DSCAM: variants seen among roughly 807,000 people sequenced by gnomAD.
DSCAM encodes the protein cell adhesion molecule DSCAM.
A neutral mutation model predicts 217.7 loss-of-function variants in DSCAM; 47 were observed. The observed-to-expected ratio is 0.22, with a 90% CI of 0.17 to 0.28. The LOEUF is 0.28. Among genes scored for constraint, DSCAM ranks in the 10% least tolerant of loss-of-function variants. The probability of loss-of-function intolerance (pLI) is 1.00; values close to 1 mark genes in which losing one functional copy is unlikely to be tolerated. For missense variants in DSCAM, 2,080 were observed against 2,618.3 expected (o/e 0.79, Z 4.49); for synonymous variants, 1,056 against 1,015.3 (o/e 1.04, Z -0.76).
chr21:40,699,822 A>T (rs1472271064), intron 2 of DSCAM, among the ~76,000 whole-genome samples: 1 of 152,248 alleles, frequency 6.6e-6, no homozygotes, highest in Non-Finnish European at 1.5e-5. Context: ...ATACAAATGC[A>T]TGGTGAAGCA....
At chr21:40,097,798 G>A (rs563989299) in intron 20 of DSCAM, among the ~76,000 whole-genome samples, 12 of 151,770 alleles carry the variant, frequency 7.9e-5, no homozygotes, top group Non-Finnish European at 1.5e-4. Flanking sequence ...AAAATTAGCC[G>A]GGCGTAGTGG....
chr21:40,604,614 CT>C (rs2089207784), intron 3 of DSCAM, among the ~76,000 whole-genome samples: 2 of 152,160 alleles, frequency 1.3e-5, no homozygotes, highest in African/African-American at 2.4e-5. Context: ...GTGACACAGC[CT>C]TTAGTTTCTT....
chr21:40,797,288 G>A (rs2091700015), intron 1 of DSCAM, among the ~76,000 whole-genome samples: 1 of 152,116 alleles, frequency 6.6e-6, no homozygotes, highest in African/African-American at 2.4e-5. Flanking sequence ...CATAATTAAG[G>A]GAGGAATATA....
At chr21:40,445,559 C>A (rs533793056) in intron 3 of DSCAM, among the ~76,000 whole-genome samples, 2 of 152,144 alleles carry the variant, frequency 1.3e-5, no homozygotes, top group Non-Finnish European at 2.9e-5. Flanking sequence ...ATATGCCTCC[C>A]TTGCCCATCA....
At chr21:40,025,932 C>A (rs1009949398) in intron 32 of DSCAM, among the ~76,000 whole-genome samples, 1 of 149,216 alleles carries the variant, frequency 6.7e-6, no homozygotes, top group Non-Finnish European at 1.5e-5. Context: ...TGTGTTTGCT[C>A]TTGCTTTTCT....
intron 3 of DSCAM, among the ~76,000 whole-genome samples, chr21:40,487,752 C>T (rs577913176): frequency 4.7e-4 from 72 of 152,224 alleles, no homozygotes; most frequent in African/African-American, 1.6e-3. Flanking sequence ...TAGAGAGAAC[C>T]TATGAAGCTG....
At chr21:40,788,112 A>G (rs2091609646) in intron 1 of DSCAM, among the ~76,000 whole-genome samples, 1 of 152,252 alleles carries the variant, frequency 6.6e-6, no homozygotes, top group Non-Finnish European at 1.5e-5. Context: ...TCTTCCAAGA[A>G]TTACTTCATT....
chr21:40,515,712 G>A (rs2076294002), intron 3 of DSCAM, among the ~76,000 whole-genome samples: 1 of 151,930 alleles, frequency 6.6e-6, no homozygotes, highest in Non-Finnish European at 1.5e-5. Flanking sequence ...TTTATTCCCG[G>A]GTGCACAAGC....
intron 1 of DSCAM, among the ~76,000 whole-genome samples, chr21:40,725,485 G>A (rs1412668606): frequency 1.3e-5 from 2 of 152,206 alleles, no homozygotes; most frequent in African/African-American, 4.8e-5. Flanking sequence ...ACCTGATCCA[G>A]TTCTGTATTT....
At chr21:40,353,918 T>C (rs777815450) in intron 4 of DSCAM, among the ~76,000 whole-genome samples, 175 bp from the exon 5 acceptor site, 23 of 152,230 alleles carry the variant, frequency 1.5e-4, no homozygotes, top group Admixed American at 4.6e-4. Flanking sequence ...CAATTTATTT[T>C]CTGCTCAGAA....
chr21:40,709,961 G>T (rs886528088), intron 1 of DSCAM, among the ~76,000 whole-genome samples: 1 of 152,206 alleles, frequency 6.6e-6, no homozygotes, highest in Non-Finnish European at 1.5e-5. Flanking sequence ...CACCAACAGT[G>T]TTAAAGCGTT....
intron 3 of DSCAM, among the ~76,000 whole-genome samples, chr21:40,442,607 C>T (rs2075641313): frequency 6.8e-6 from 1 of 148,044 alleles, no homozygotes. Context: ...GCAACCTCTG[C>T]CTCCCAGGTT....
rs2090324829 is a variant in DSCAM at position 40,144,069 on chromosome 21, G to C, written c.3259+422C>G. Among the ~76,000 whole-genome samples, 2 of 151,892 alleles carry C rather than the reference G, an allele frequency of 1.3e-5. No homozygotes were observed. Among genetic ancestry groups the C allele is most frequent in the African/African-American group, 4.8e-5 (2 of 41,406 alleles). ...TGCAATCTGAAAATTCCTTTTCTCT[G>C]TACTCAGAATGCTTGAAAATAGGAA... On this transcript the variant is annotated intron_variant, in intron 17 of 32. Coordinates refer to ENST00000400454, the MANE Select transcript of DSCAM (RefSeq NM_001389.5). This position sits in a 1 kb window ranked among gnomAD's most constrained non-coding sequence, Gnocchi z 4.8.
chr21:40,531,045 G>A (rs928266432), intron 3 of DSCAM, among the ~76,000 whole-genome samples: 1 of 152,094 alleles, frequency 6.6e-6, no homozygotes, highest in Non-Finnish European at 1.5e-5. Flanking sequence ...GGTCAGCCTC[G>A]TTCCCACGAC....
intron 20 of DSCAM, among the ~76,000 whole-genome samples, chr21:40,111,198 C>T (rs1225272733): frequency 6.6e-6 from 1 of 152,228 alleles, no homozygotes; most frequent in Non-Finnish European, 1.5e-5. Flanking sequence ...GAAAGCCTAT[C>T]AGACTAAGAG....
chr21:40,122,421 CAATG>C (rs1444983782), intron 20 of DSCAM, among the ~76,000 whole-genome samples: 1 of 152,156 alleles, frequency 6.6e-6, no homozygotes, highest in East Asian at 1.9e-4. Flanking sequence ...GCAAAGAGAT[CAATG>C]AATGAATGAG....
intron 2 of DSCAM, 65 bp from the exon 3 acceptor site, chr21:40,693,021 A>T: frequency 6.6e-7 from 1 of 1,523,316 alleles, no homozygotes; most frequent in Non-Finnish European, 9.0e-7. Context: ...AGAGTATCTC[A>T]CTGTAATATA....
intron 11 of DSCAM, among the ~76,000 whole-genome samples, chr21:40,190,756 T>C (rs1372207556): frequency 1.3e-5 from 2 of 152,124 alleles, no homozygotes; most frequent in Admixed American, 6.5e-5. Context: ...TGCACCCAGA[T>C]AAAGCCCTGC....
At chr21:40,082,429 C>T (rs772180999) in intron 24 of DSCAM, among the ~76,000 whole-genome samples, 26 of 152,158 alleles carry the variant, frequency 1.7e-4, no homozygotes, top group Non-Finnish European at 3.5e-4. Context: ...CACTGCACTC[C>T]GGCCTGGGCG....
Sources: gnomAD v4.1 joint callset for allele counts (sites outside exome capture counted in the v4.1 genomes callset) on GRCh38, gnomAD v4.1.1 for gene constraint, Gnocchi (gnomAD v3.1) non-coding constraint, MANE v1.5 for transcripts, NCBI Gene and HGNC (gene_info 2026-07-23, HGNC 2026-07-21) for gene names.